NF1: variants seen among roughly 807,000 people sequenced by gnomAD.
The protein encoded by NF1 is neurofibromin.
NF1 carries 122 observed loss-of-function variants against 325.7 expected under a neutral mutation model. The ratio of observed to expected loss-of-function variants is 0.37; its 90% CI spans 0.32 to 0.44. NF1 has a LOEUF of 0.44. Ranked by LOEUF, NF1 falls within the 20% of genes least tolerant of loss-of-function variation. NF1 has a pLI of 1.00. For missense variants in NF1, 2,140 were observed against 3,415.4 expected, an observed-to-expected ratio of 0.63 and a Z score of 9.31; for synonymous variants, 1,091 against 1,186.0, an observed-to-expected ratio of 0.92 and a Z score of 1.65.
chr17:31,124,821 T>A (rs1914739903), intron 1 of NF1, among the ~76,000 whole-genome samples: 1 of 151,476 alleles, frequency 6.6e-6, no homozygotes, highest in Admixed American at 6.6e-5. Context: ...CAGGATGGTC[T>A]CGATCTCCTG....
intron 1 of NF1, among the ~76,000 whole-genome samples, chr17:31,152,192 ATAAT>A (rs974139270): frequency 6.6e-6 from 1 of 151,968 alleles, no homozygotes; most frequent in African/African-American, 2.4e-5. Context: ...TTTTGTATAA[ATAAT>A]GTCCTCTTTC....
At chr17:31,305,266 G>T in intron 36 of NF1, 1 of 1,614,174 alleles carries the variant, frequency 6.2e-7, no homozygotes, top group Non-Finnish European at 8.5e-7. Context: ...CTGGGAGGAG[G>T]TGTTGGCTAT....
At chr17:31,107,586 T>A (rs541331670) in intron 1 of NF1, among the ~76,000 whole-genome samples, 16 of 151,196 alleles carry the variant, frequency 1.1e-4, no homozygotes, top group Admixed American at 2.6e-4. Context: ...TCTGAAAAAA[T>A]AAATAAATAA....
At position 31,200,537 on chromosome 17, in the gene NF1, A is replaced by G. The variant is rs758212945; in HGVS notation, c.1004A>G (p.Asn335Ser). ...CTGTGTAAAGCAAGTACTTACATCA[A>G]TTGGGAAGATAACTCTGTCATTTTC... The part of the protein sequence containing the change: ...VKLCKASTYI[N>S]WEDNSVIFLL... The change falls in exon 9 of 58, where the codon AAT (asparagine) becomes AGT (serine). Residue 335 changes from asparagine to serine, a missense_variant. Asn to Ser is a conservative substitution (Grantham distance 46, BLOSUM62 1). Coordinates refer to ENST00000358273, the MANE Select transcript of NF1 (RefSeq NM_001042492.3). 5.6e-6 allele frequency: 9 copies of G among 1,614,062 alleles called. No homozygotes were observed. Among genetic ancestry groups the G allele is most frequent in the Middle Eastern group, 1.6e-4 (1 of 6,082 alleles).
intron 47 of NF1, 62 bp downstream of exon 47, chr17:31,340,707 T>A (rs2069797466): frequency 6.5e-7 from 1 of 1,536,106 alleles, no homozygotes; most frequent in South Asian, 1.1e-5. Context: ...CCATCTTTTC[T>A]TGTTGCTATT....
intron 36 of NF1, among the ~76,000 whole-genome samples, chr17:31,275,883 A>C (rs1387728373): frequency 6.6e-6 from 1 of 151,996 alleles, no homozygotes; most frequent in Non-Finnish European, 1.5e-5. Flanking sequence ...CTAGCTTCTA[A>C]TATAGTGAGT....
chr17:31,341,712 T>C (rs1440267614), intron 47 of NF1, among the ~76,000 whole-genome samples: 1 of 151,842 alleles, frequency 6.6e-6, no homozygotes, highest in Non-Finnish European at 1.5e-5. Context: ...TGTGCACGTG[T>C]GCATGTGTGT....
chr17:31,120,216 T>C (rs1261022143), intron 1 of NF1, among the ~76,000 whole-genome samples: 4 of 152,224 alleles, frequency 2.6e-5, no homozygotes, highest in Non-Finnish European at 2.9e-5. Context: ...GCCATTTTCA[T>C]GATATCGATT....
chr17:31,275,233 C>A (rs1567869352), intron 36 of NF1, among the ~76,000 whole-genome samples: 2 of 152,176 alleles, frequency 1.3e-5, no homozygotes, highest in Non-Finnish European at 2.9e-5. Context: ...GTTTCAGTTA[C>A]CCATGGTCCA....
chr17:31,218,910 G>A, intron 13 of NF1, 95 bp from the exon 14 acceptor site: 1 of 1,263,526 alleles, frequency 7.9e-7, no homozygotes, highest in African/African-American at 1.5e-5. Context: ...AAAGAAACTT[G>A]GTACCCTTTA....
chr17:31,230,801 A>G, intron 23 of NF1, 41 bp from the exon 24 acceptor site: 1 of 1,480,496 alleles, frequency 6.8e-7, no homozygotes, highest in Non-Finnish European at 9.4e-7. Context: ...GTGGCTTCAA[A>G]AACATTGTTT....
At chr17:31,192,525 T>C (rs1345093878) in intron 8 of NF1, among the ~76,000 whole-genome samples, 5 of 152,174 alleles carry the variant, frequency 3.3e-5, no homozygotes. Flanking sequence ...CCAGATTTTG[T>C]TGTGCAGAGG....
At position 31,236,039 on chromosome 17, in the gene NF1, A is replaced by G. The variant is rs182168562; in HGVS notation, c.3974+18A>G. ...CCTACCAGGTTTGTCATCTTTTCACATAGAACCGCTGTTTTTTGTTTTTTT... is the reference window on the plus strand; with the variant it reads ...CCTACCAGGTTTGTCATCTTTTCACGTAGAACCGCTGTTTTTTGTTTTTTT... On this transcript the variant is annotated intron_variant, in intron 29 of 57. Coordinates refer to ENST00000358273, the MANE Select transcript of NF1 (RefSeq NM_001042492.3). 26 of 1,576,200 alleles carry G rather than the reference A, an allele frequency of 1.6e-5. No homozygotes were observed. The Middle Eastern group carries it at 5.0e-4, about 30-fold the overall frequency.
intron 1 of NF1, among the ~76,000 whole-genome samples, chr17:31,095,901 G>A (rs1254925440): frequency 6.6e-6 from 1 of 152,030 alleles, no homozygotes; most frequent in Non-Finnish European, 1.5e-5. Context: ...CTCTCCTGGA[G>A]GGGGAAGAGC....
At chr17:31,210,865 A>G (rs2066717597) in intron 12 of NF1, among the ~76,000 whole-genome samples, 1 of 152,192 alleles carries the variant, frequency 6.6e-6, no homozygotes, top group South Asian at 2.1e-4. Context: ...ATGTTGAGCC[A>G]TAACTTCTCC....
intron 36 of NF1, chr17:31,314,225 C>CT (rs1370993057): frequency 1.0e-4 from 39 of 374,526 alleles, no homozygotes; most frequent in African/African-American, 7.3e-4. Flanking sequence ...TTTTGGAGCC[C>CT]TATGATTTGA....
chr17:31,163,268 G>C lies in NF1; in HGVS notation c.371G>C (p.Cys124Ser), dbSNP rs2143671902. ...GAAATCTGCCATTTTCTTCACACCT[G>C]TCGTGAAGGAAACCAGCATGCAGCT... ...LPEICHFLHT[C>S]REGNQHAAEL... Residue 124 changes from cysteine to serine, a missense_variant, in exon 4 of 58, where the codon TGT becomes TCT. Physicochemically the swap from Cys to Ser is moderately radical, Grantham distance 112. This residue lies in a region of NF1 where 246 missense variants were observed against 347.8 expected (regional missense o/e 0.71). Transcript: ENST00000358273. The C allele has an allele frequency of 6.2e-7, 1 of 1,614,156 alleles. No individual in the cohort carries two copies. Among genetic ancestry groups the C allele is most frequent in the Non-Finnish European group, 8.5e-7 (1 of 1,180,020 alleles).
chr17:31,143,539 T>C (rs1916379367), intron 1 of NF1, among the ~76,000 whole-genome samples: 1 of 152,100 alleles, frequency 6.6e-6, no homozygotes, highest in African/African-American at 2.4e-5. Context: ...CCCAAAGTGC[T>C]GGTTTTACAG....
At chr17:31,339,665 C>G (rs899545473) in intron 46 of NF1, among the ~76,000 whole-genome samples, 1 of 152,086 alleles carries the variant, frequency 6.6e-6, no homozygotes, top group African/African-American at 2.4e-5. Context: ...AGTCACATAC[C>G]TAATAAAAGA....
Sources: allele counts gnomAD v4.1 joint callset (sites outside exome capture counted in the v4.1 genomes callset), GRCh38; gene constraint gnomAD v4.1.1; regional missense constraint gnomAD v4.1.1; transcripts MANE v1.5; gene names NCBI Gene and HGNC (gene_info 2026-07-23, HGNC 2026-07-21).